DGKB: variants seen among roughly 807,000 people sequenced by gnomAD.
The protein encoded by DGKB is diacylglycerol kinase beta, also known as 90 kDa diacylglycerol kinase.
A neutral mutation model predicts 114.3 loss-of-function variants in DGKB; 67 were observed. The ratio of observed to expected loss-of-function variants is 0.59; its 90% CI spans 0.48 to 0.72. The LOEUF (loss-of-function observed/expected upper bound fraction) is 0.72. DGKB is among the 30% of genes least tolerant of loss of function. DGKB has a pLI of 0.00. For synonymous variants in DGKB, 398 were observed against 323.1 expected (o/e 1.23, Z -2.49); for missense variants, 907 against 975.2 (o/e 0.93, Z 0.93).
intron 20 of DGKB, among the ~76,000 whole-genome samples, chr7:14,530,079 G>A (rs954578140): frequency 7.9e-5 from 12 of 151,584 alleles, no homozygotes; most frequent in Non-Finnish European, 1.6e-4. Flanking sequence ...TTGATTGAGA[G>A]CTCATTAAAG....
rs1022402236 is a variant in DGKB at position 14,449,308 on chromosome 7, G to A, written c.1835+28853C>T. ...TTTGTCATGTTCTGTTTTACGTGGT[G>A]TTAACTTTCTGTTTGTGTACCTTTG... On this transcript the variant is annotated intron_variant, in intron 21 of 25. Coordinates refer to ENST00000402815, the MANE Select transcript of DGKB (RefSeq NM_001350709.2). Among the ~76,000 whole-genome samples the A allele has an allele frequency of 1.5e-3, 233 of 152,122 alleles. 1 individual carries two copies. Among genetic ancestry groups the A allele is most frequent in the Non-Finnish European group, 2.4e-4 (16 of 67,974 alleles).
At chr7:14,893,772 A>G (rs1428127700) in intron 1 of DGKB, among the ~76,000 whole-genome samples, 1 of 151,288 alleles carries the variant, frequency 6.6e-6, no homozygotes, top group Non-Finnish European at 1.5e-5. Context: ...CTCAAGATCT[A>G]ACTCAAATTC....
intron 13 of DGKB, among the ~76,000 whole-genome samples, chr7:14,643,768 A>T (rs1269652826): frequency 6.6e-6 from 1 of 152,100 alleles, no homozygotes; most frequent in African/African-American, 2.4e-5. Context: ...TCCATGTGCA[A>T]TGTCAATAAC....
At chr7:14,939,283 G>A (rs1001798347) in intron 1 of DGKB, among the ~76,000 whole-genome samples, 1 of 152,158 alleles carries the variant, frequency 6.6e-6, no homozygotes, top group Non-Finnish European at 1.5e-5. Context: ...CGTGCCCAGA[G>A]TCTAGCGCAT....
chr7:14,788,100 G>T (rs956774684), intron 2 of DGKB, among the ~76,000 whole-genome samples: 1 of 152,186 alleles, frequency 6.6e-6, no homozygotes, highest in Non-Finnish European at 1.5e-5. Flanking sequence ...GTTGGGAAAG[G>T]GTATCCTCTG....
chr7:14,713,778 A>C (rs996172772), intron 6 of DGKB, among the ~76,000 whole-genome samples: 2 of 151,944 alleles, frequency 1.3e-5, no homozygotes, highest in Admixed American at 6.6e-5. Flanking sequence ...CAGTCTCCAT[A>C]TGTCAGTTAT....
At position 14,875,558 on chromosome 7, in the gene DGKB, G is replaced by T. The variant is rs75682567; in HGVS notation, c.-188+27034C>A. ...TTATTTATTGGTAAAAGTAGATAAC[G>T]CAAAACTGTTAGGACTACTGTTGAT... On this transcript the variant is annotated intron_variant, in intron 1 of 25. Transcript: ENST00000402815. 9.5e-3 allele frequency among the ~76,000 whole-genome samples: 1,453 copies of T among 152,186 alleles called. 24 individuals are homozygous for T. Among genetic ancestry groups the T allele is most frequent in the African/African-American group, 0.028 (1,154 of 41,512 alleles).
At chr7:14,973,279 A>T (rs946600871) in intron 1 of DGKB, among the ~76,000 whole-genome samples, 4 of 151,932 alleles carry the variant, frequency 2.6e-5, no homozygotes, top group Non-Finnish European at 5.9e-5. Flanking sequence ...AGGAATATTC[A>T]AAACATTTTT....
chr7:14,595,060 A>AATGTG (rs917566116), intron 17 of DGKB, among the ~76,000 whole-genome samples: 3 of 152,078 alleles, frequency 2.0e-5, no homozygotes, highest in African/African-American at 7.2e-5. Flanking sequence ...GAGGGCAGTT[A>AATGTG]ATGTGGACTA....
intron 20 of DGKB, among the ~76,000 whole-genome samples, chr7:14,551,147 G>C (rs1384554073): frequency 1.3e-5 from 2 of 152,160 alleles, no homozygotes; most frequent in Admixed American, 1.3e-4. Flanking sequence ...GAGGCTCTTA[G>C]TGACTGACTA....
chr7:14,564,167 T>C (rs1354746263), intron 20 of DGKB, among the ~76,000 whole-genome samples: 1 of 152,168 alleles, frequency 6.6e-6, no homozygotes, highest in Non-Finnish European at 1.5e-5. Context: ...TGGTATCCAT[T>C]AGTTAAGCCA....
chr7:14,392,613 A>G (rs1405277004), intron 21 of DGKB, among the ~76,000 whole-genome samples: 1 of 152,188 alleles, frequency 6.6e-6, no homozygotes, highest in East Asian at 1.9e-4. Flanking sequence ...GGGTCTTACC[A>G]GGGCATGCAG....
intron 17 of DGKB, among the ~76,000 whole-genome samples, chr7:14,597,183 G>A (rs1388765457): frequency 2.6e-5 from 4 of 152,050 alleles, no homozygotes; most frequent in Non-Finnish European, 1.5e-5. Context: ...ATTCCAGCCT[G>A]GGCGACAGAG....
intron 25 of DGKB, among the ~76,000 whole-genome samples, chr7:14,149,839 A>G (rs1781922932): frequency 6.6e-6 from 1 of 152,180 alleles, no homozygotes; most frequent in Non-Finnish European, 1.5e-5. Context: ...TGGTAATATA[A>G]TAGAATCAAA....
intron 20 of DGKB, among the ~76,000 whole-genome samples, chr7:14,517,509 C>G (rs975566926): frequency 4.6e-5 from 7 of 151,390 alleles, no homozygotes; most frequent in African/African-American, 1.7e-4. Flanking sequence ...GCAAAAGAAA[C>G]TATCAATAGA....
intron 1 of DGKB, among the ~76,000 whole-genome samples, chr7:14,964,139 A>C (rs948951475): frequency 6.6e-6 from 1 of 152,120 alleles, no homozygotes; most frequent in African/African-American, 2.4e-5. Context: ...ATGAGTAAGA[A>C]GAAGGAATAG....
At chr7:14,866,603 G>C (rs375675337) in intron 1 of DGKB, among the ~76,000 whole-genome samples, 1 of 151,996 alleles carries the variant, frequency 6.6e-6, no homozygotes. Context: ...CCATTGTCTG[G>C]ATATATCATC....
chr7:14,935,906 A>C (rs1469759467), intron 1 of DGKB, among the ~76,000 whole-genome samples: 2 of 152,118 alleles, frequency 1.3e-5, no homozygotes, highest in Non-Finnish European at 2.9e-5. Context: ...TCATTTCCAA[A>C]AACTTCTCTG....
intron 20 of DGKB, among the ~76,000 whole-genome samples, chr7:14,525,859 G>T (rs538430025): frequency 7.9e-6 from 1 of 126,388 alleles, no homozygotes; most frequent in South Asian, 2.8e-4. Flanking sequence ...GACCCACAAA[G>T]TTAAATTGTG....
Sources: gnomAD v4.1 joint callset for allele counts (sites outside exome capture counted in the v4.1 genomes callset) on GRCh38, gnomAD v4.1.1 for gene constraint, MANE v1.5 for transcripts, NCBI Gene and HGNC (gene_info 2026-07-23, HGNC 2026-07-21) for gene names.